Variants in NLRP5 observed in about 807,000 individuals in gnomAD.
NLRP5 encodes the protein NLR family pyrin domain containing 5, also known as NACHT, LRR and PYD domains-containing protein 5.
Under a neutral mutation model 113.1 loss-of-function variants are expected in NLRP5, and 93 were observed. The ratio of observed to expected loss-of-function variants is 0.82; its 90% confidence interval spans 0.70 to 0.98. The LOEUF (loss-of-function observed/expected upper bound fraction) is 0.98, where lower values mean the gene tolerates loss of function less well. Among genes scored for constraint, NLRP5 ranks in the 50% least tolerant of loss-of-function variants. The pLI, the probability that NLRP5 is intolerant of heterozygous loss-of-function variation, is 0.00. For synonymous variants in NLRP5, 751 were observed against 600.7 expected (o/e 1.25, Z -3.66); for missense variants, 1,808 against 1,514.3 (o/e 1.19, Z -3.22).
Position 56,033,676 on chromosome 19 carries a change from T to C in NLRP5, c.2582T>C (p.Leu861Ser). The C allele has an allele frequency of 6.2e-7, 1 of 1,613,682 alleles. No homozygotes were observed. The highest frequency in any genetic ancestry group is 8.5e-7 in the Non-Finnish European group (1 of 1,179,750). ...GATGTAAGGATGGCGTGTGAAGCCT[T>C]AAAACACCCAAAATGTTTGTTGGAG... Residue 861 changes from leucine (L) to serine (S), a missense_variant, in exon 9 of 15, where the codon TTA becomes TCA. Coordinates refer to ENST00000390649, the MANE Select transcript of NLRP5 (RefSeq NM_153447.4).
intron 6 of NLRP5, among the ~76,000 whole-genome samples, chr19:56,024,212 T>C (rs1568489249): frequency 6.6e-6 from 1 of 151,492 alleles, no homozygotes; most frequent in South Asian, 2.1e-4. Flanking sequence ...CTTAAATCTT[T>C]ATCAGGTGGG....
chr19:55,998,696 ATATATATGTGTGTGTG>A (rs1981447291), upstream of NLRP5, among the ~76,000 whole-genome samples: 1 of 60,642 alleles, frequency 1.6e-5, no homozygotes, highest in Non-Finnish European at 3.3e-5. Flanking sequence ...ATATATATAT[ATATATATGTGTGTGTG>A]TGTATATATA....
rs896206142 is a variant in NLRP5 at position 56,010,889 on chromosome 19, TA to T, written c.508+2037del. ...TGATGTGGCTGGACACAGTGACTCATACCTGTAATCCCAGCACTTTGGGAGG... is the reference window on the plus strand; with the variant it reads ...TGATGTGGCTGGACACAGTGACTCATCCTGTAATCCCAGCACTTTGGGAGG... On this transcript the variant is annotated intron_variant, in intron 3 of 14. Transcript: ENST00000390649. Among the ~76,000 whole-genome samples, 10 of 151,546 alleles carry T rather than the reference TA, an allele frequency of 6.6e-5. No individual in the cohort carries two copies. The South Asian group carries it at 8.4e-4, about 13-fold the overall frequency.
At chr19:56,050,151 A>C (rs1236684746) in intron 11 of NLRP5, among the ~76,000 whole-genome samples, 1 of 151,946 alleles carries the variant, frequency 6.6e-6, no homozygotes, top group Non-Finnish European at 1.5e-5. Context: ...GTGGTGGTGC[A>C]TGCCTGTAAT....
intron 11 of NLRP5, among the ~76,000 whole-genome samples, chr19:56,045,769 T>C (rs982162861): frequency 1.3e-5 from 2 of 152,162 alleles, no homozygotes; most frequent in Non-Finnish European, 2.9e-5. Flanking sequence ...TGTCACATGG[T>C]ACACTGTCAC....
chr19:56,037,091 T>C (rs1045999033), intron 9 of NLRP5, among the ~76,000 whole-genome samples: 1 of 152,184 alleles, frequency 6.6e-6, no homozygotes, highest in Non-Finnish European at 1.5e-5. Flanking sequence ...TTGTCCTCAT[T>C]TCCAGGGCAT....
chr19:56,061,638 T>C lies in NLRP5; in HGVS notation c.*110T>C. The stretch of plus-strand genomic sequence containing the variant: ...GTTCCTTCTCAAAGATGGAGAATGA[T>C]TTCTGATTCTCACAAAGCCCTCAAT... On this transcript the variant is annotated 3_prime_UTR_variant, in exon 15 of 15. Transcript: ENST00000390649. 3 of 1,210,806 alleles carry C rather than the reference T, an allele frequency of 2.5e-6. No individual in the cohort carries two copies. Among genetic ancestry groups the C allele is most frequent in the Admixed American group, 1.9e-5 (1 of 52,552 alleles). The allele number at this position is 1,210,806 out of a possible 1,614,324, so 75.0% of individuals were successfully genotyped here. A position where few individuals can be genotyped will look rare whatever the true frequency, so the allele number is the denominator to read the frequency against.
At chr19:56,029,221 TG>T (rs1982998978) in intron 7 of NLRP5, among the ~76,000 whole-genome samples, 1 of 139,250 alleles carries the variant, frequency 7.2e-6, no homozygotes, top group African/African-American at 2.5e-5. Context: ...ACATGGTGAG[TG>T]AGACTGTGGA....
At chr19:56,005,108 ATATATAT>A (rs893903555) in intron 2 of NLRP5, among the ~76,000 whole-genome samples, 5 of 113,220 alleles carry the variant, frequency 4.4e-5, no homozygotes, top group Non-Finnish European at 7.2e-5. Flanking sequence ...AAAAAAAAAA[ATATATAT>A]ATATATATAT....
rs1982944786 is a variant in NLRP5, at chr19:56,028,062, TG to T, written c.1830del (p.Tyr611ThrfsTer23). 6.2e-7 allele frequency: 1 copy of T among 1,614,066 alleles called. No individual in the cohort carries two copies. The highest frequency in any genetic ancestry group is 2.2e-5 in the East Asian group (1 of 44,884). On this transcript the variant is annotated frameshift_variant, in exon 7 of 15. Transcript: ENST00000390649. LOFTEE classifies it high-confidence loss of function. ...GAAATCGAGCCAGCTCTCTGCCCTC[TG>T]TACGTTGAGAAGACAAAGAGGTCCA... is the stretch of plus-strand genomic sequence containing the variant.
intron 11 of NLRP5, among the ~76,000 whole-genome samples, chr19:56,047,941 T>G (rs990946887): frequency 2.6e-5 from 4 of 152,212 alleles, no homozygotes; most frequent in African/African-American, 9.7e-5. Flanking sequence ...TTTTGATATT[T>G]TCCTGTTGGA....
At chr19:56,018,251 A>T (rs561210137) in intron 4 of NLRP5, among the ~76,000 whole-genome samples, 30 of 152,274 alleles carry the variant, frequency 2.0e-4, no homozygotes, top group Non-Finnish European at 3.7e-4. Flanking sequence ...AAAATCTATA[A>T]TTTTTCTCTA....
chr19:56,025,016 T>C (rs563067794), intron 6 of NLRP5, among the ~76,000 whole-genome samples: 2 of 149,370 alleles, frequency 1.3e-5, no homozygotes, highest in African/African-American at 4.9e-5. Flanking sequence ...TGAGCCCTAT[T>C]GTGAACTGCA....
At chr19:56,009,608 T>C (rs2123278901) in intron 3 of NLRP5, among the ~76,000 whole-genome samples, 1 of 152,248 alleles carries the variant, frequency 6.6e-6, no homozygotes, top group Admixed American at 6.6e-5. Context: ...TTCATGAAAT[T>C]CACACATTGT....
chr19:55,990,815 ACT>A, the NLRP5 span, among the ~76,000 whole-genome samples: 17 of 151,952 alleles, frequency 1.1e-4, no homozygotes, highest in East Asian at 7.8e-4. Flanking sequence ...ACGGAGCAAG[ACT>A]CTGTCTCAAA....
Position 56,028,581 on chromosome 19 carries a change from G to A in NLRP5, c.2276+72G>A. 6 of 1,396,408 alleles carry A rather than the reference G, an allele frequency of 4.3e-6. No homozygotes were observed. The East Asian group carries it at 1.4e-4, about 32-fold the overall frequency. The allele number at this position is 1,396,408 out of a possible 1,614,324, so 86.5% of individuals were successfully genotyped here. Reference sequence around the variant, plus strand: ...TGTCTCTACTGCTGGGACTTGACATGACTTCCAGGAACTTCAAGGTCCCAG... The same window carrying A: ...TGTCTCTACTGCTGGGACTTGACATAACTTCCAGGAACTTCAAGGTCCCAG... On this transcript the variant is annotated intron_variant, in intron 7 of 14. Coordinates refer to ENST00000390649, the MANE Select transcript of NLRP5 (RefSeq NM_153447.4).
intron 7 of NLRP5, 43 bp downstream of exon 7, chr19:56,028,552 T>C (rs762581317): frequency 9.6e-6 from 15 of 1,556,360 alleles, no homozygotes; most frequent in Non-Finnish European, 1.2e-5. Flanking sequence ...TGTGCTGAGC[T>C]CTGTGTCTCT....
chr19:56,042,595 T>TGCCTTG (rs1555769639), intron 11 of NLRP5, among the ~76,000 whole-genome samples: 9 of 151,936 alleles, frequency 5.9e-5, no homozygotes, highest in Non-Finnish European at 7.4e-5. Context: ...GTGATCTGCC[T>TGCCTTG]GCCTCCCAGA....
intron 9 of NLRP5, among the ~76,000 whole-genome samples, chr19:56,035,827 T>C (rs1983289751): frequency 6.6e-6 from 1 of 152,066 alleles, no homozygotes; most frequent in South Asian, 2.1e-4. Flanking sequence ...GACTTTGACA[T>C]TGGAAGATGG....
Sources: allele counts gnomAD v4.1 joint callset (sites outside exome capture counted in the v4.1 genomes callset), GRCh38; gene constraint gnomAD v4.1.1; transcripts MANE v1.5; gene names NCBI Gene and HGNC (gene_info 2026-07-23, HGNC 2026-07-21).